The following MAF variants were observed in gnomAD, a reference collection of about 807,000 sequenced individuals.
The protein encoded by MAF is transcription factor Maf.
Under a neutral mutation model 22.0 loss-of-function variants are expected in MAF, and 10 were observed. The observed-to-expected ratio is 0.45, with a 90% CI of 0.28 to 0.77. The LOEUF (loss-of-function observed/expected upper bound fraction) is 0.77. Ranked by LOEUF, MAF falls within the 30% of genes least tolerant of loss-of-function variation. The probability of loss-of-function intolerance (pLI) is 0.12; values close to 1 mark genes in which losing one functional copy is unlikely to be tolerated. For synonymous variants in MAF, 337 were observed against 255.8 expected (o/e 1.32, Z -3.03); for missense variants, 544 against 548.4 (o/e 0.99, Z 0.08).
chr16:79,582,326 G>C (rs75658721), downstream of MAF, among the ~76,000 whole-genome samples: 9 of 152,228 alleles, frequency 5.9e-5, no homozygotes, highest in East Asian at 3.8e-4. Context: ...TGTGCTTTTA[G>C]AATGAAAGCT....
At chr16:79,210,406 G>C in the MAF span, among the ~76,000 whole-genome samples, 2 of 152,306 alleles carry the variant, frequency 1.3e-5, no homozygotes, top group East Asian at 3.9e-4. Context: ...CCTCCAGTAA[G>C]CACCCTGCAT....
At chr16:79,574,478 G>T in the MAF span, among the ~76,000 whole-genome samples, 1 of 152,152 alleles carries the variant, frequency 6.6e-6, no homozygotes, top group Non-Finnish European at 1.5e-5. Context: ...CCGTTAAAAT[G>T]AGCCATTCTA....
At chr16:79,234,953 C>G in the MAF span, among the ~76,000 whole-genome samples, 1 of 152,110 alleles carries the variant, frequency 6.6e-6, no homozygotes, top group African/African-American at 2.4e-5. Flanking sequence ...ATGAGAGAAA[C>G]ATCCCCAAGG....
At chr16:79,246,235 C>T in the MAF span, among the ~76,000 whole-genome samples, 41 of 151,992 alleles carry the variant, frequency 2.7e-4, no homozygotes, top group Admixed American at 1.8e-3. Flanking sequence ...AATCAAAGTG[C>T]ACACCCACAT....
At chr16:79,219,908 A>C in the MAF span, among the ~76,000 whole-genome samples, 1 of 152,228 alleles carries the variant, frequency 6.6e-6, no homozygotes, top group Non-Finnish European at 1.5e-5. Context: ...TTATATAAAA[A>C]GTTGTATCAT....
the MAF span, among the ~76,000 whole-genome samples, chr16:79,336,897 T>A: frequency 2.0e-5 from 3 of 152,330 alleles, no homozygotes; most frequent in Admixed American, 1.3e-4. Context: ...TAAATCATAT[T>A]TATTGAGTGC....
chr16:79,585,971 A>G, intron 1 of MAF: 1 of 668,386 alleles, frequency 1.5e-6, no homozygotes, highest in Non-Finnish European at 2.7e-6. Flanking sequence ...AAAATAAACA[A>G]AGGGTAATTA....
chr16:79,516,501 G>A, the MAF span, among the ~76,000 whole-genome samples: 2 of 152,156 alleles, frequency 1.3e-5, no homozygotes. Context: ...GAGATGTTAA[G>A]TAAATTGTCT....
chr16:79,482,038 G>C, the MAF span, among the ~76,000 whole-genome samples: 3 of 152,184 alleles, frequency 2.0e-5, no homozygotes, highest in Non-Finnish European at 4.4e-5. Flanking sequence ...CATGGGATGA[G>C]GCCTGCAGGG....
At chr16:79,328,537 T>G in the MAF span, among the ~76,000 whole-genome samples, 1 of 152,220 alleles carries the variant, frequency 6.6e-6, no homozygotes, top group East Asian at 1.9e-4. Context: ...AGTTTCTTAA[T>G]GCAATATGAG....
At chr16:79,506,404 T>G in the MAF span, among the ~76,000 whole-genome samples, 1 of 152,258 alleles carries the variant, frequency 6.6e-6, no homozygotes, top group African/African-American at 2.4e-5. Flanking sequence ...TCAGAGTGTG[T>G]GCCCATGACC....
At chr16:79,474,111 TGAGGAAATAGGA>T in the MAF span, among the ~76,000 whole-genome samples, 1 of 151,928 alleles carries the variant, frequency 6.6e-6, no homozygotes, top group Non-Finnish European at 1.5e-5. Flanking sequence ...GAAGAAATGA[TGAGGAAATAGGA>T]GAAGGAATAG....
At chr16:79,341,633 G>C in the MAF span, among the ~76,000 whole-genome samples, 1 of 152,180 alleles carries the variant, frequency 6.6e-6, no homozygotes, top group African/African-American at 2.4e-5. Flanking sequence ...TTATTATTAG[G>C]TTGGCTATTG....
At position 79,598,586 on chromosome 16, in the gene MAF, G is replaced by GTA. The variant is rs1913730347; in HGVS notation, c.1118+198_1118+199insTA. On this transcript the variant is annotated intron_variant, in intron 1 of 1. Coordinates refer to ENST00000326043, the MANE Select transcript of MAF (RefSeq NM_005360.5). The stretch of plus-strand genomic sequence containing the variant: ...CAAACTCGAGCAGGGTGTGGGGTGT[G>GTA]TGTGTGTGTGTGTGTGTGTGTGTGG... 14 of 1,346,078 alleles carry GTA rather than the reference G, an allele frequency of 1.0e-5. No homozygotes were observed. The South Asian group carries it at 2.0e-4, about 19-fold the overall frequency. The allele number at this position is 1,346,078 out of a possible 1,614,324, so 83.4% of individuals were successfully genotyped here.
chr16:79,410,414 C>T, the MAF span, among the ~76,000 whole-genome samples: 1 of 152,230 alleles, frequency 6.6e-6, no homozygotes, highest in African/African-American at 2.4e-5. Flanking sequence ...TGAGCAACTG[C>T]GAACACACTC....
chr16:79,544,353 G>A, the MAF span, among the ~76,000 whole-genome samples: 33 of 152,160 alleles, frequency 2.2e-4, no homozygotes, highest in Non-Finnish European at 8.8e-5. Context: ...GCACAACACA[G>A]ATCTAGAAGA....
At chr16:79,383,342 C>T in the MAF span, among the ~76,000 whole-genome samples, 1 of 151,972 alleles carries the variant, frequency 6.6e-6, no homozygotes, top group Non-Finnish European at 1.5e-5. Context: ...AAAAGATTCA[C>T]AGGGGAAAAC....
At chr16:79,372,579 T>C in the MAF span, among the ~76,000 whole-genome samples, 107 of 152,330 alleles carry the variant, frequency 7.0e-4, no homozygotes, top group South Asian at 5.0e-3. Context: ...GTCTTAGCCG[T>C]GGTGACCTAC....
At chr16:79,248,985 C>G in the MAF span, among the ~76,000 whole-genome samples, 1 of 152,126 alleles carries the variant, frequency 6.6e-6, no homozygotes, top group Admixed American at 6.6e-5. Context: ...CACTTAACCC[C>G]TGCTGTGATT....
Sources: allele counts gnomAD v4.1 joint callset (sites outside exome capture counted in the v4.1 genomes callset), GRCh38; gene constraint gnomAD v4.1.1; transcripts MANE v1.5; gene names NCBI Gene and HGNC (gene_info 2026-07-23, HGNC 2026-07-21).